CPED1: variants seen among roughly 807,000 people sequenced by gnomAD.
CPED1 encodes cadherin-like and PC-esterase domain-containing protein 1.
A neutral mutation model predicts 128.2 loss-of-function variants in CPED1; 114 were observed. The observed-to-expected ratio is 0.89, with a 90% CI of 0.76 to 1.04. The LOEUF (loss-of-function observed/expected upper bound fraction) is 1.04, where lower values mean the gene tolerates loss of function less well. CPED1 is among the 50% of genes least tolerant of loss of function. CPED1 has a pLI of 0.00. For missense variants in CPED1, 1,211 were observed against 1,207.1 expected, an observed-to-expected ratio of 1.00 and a Z score of -0.05; for synonymous variants, 462 against 426.7, an observed-to-expected ratio of 1.08 and a Z score of -1.02.
chr7:121,224,354 G>A (rs913061067), intron 16 of CPED1, among the ~76,000 whole-genome samples: 1 of 151,948 alleles, frequency 6.6e-6, no homozygotes, highest in African/African-American at 2.4e-5. Flanking sequence ...TCTTTTACAT[G>A]TACTGAGAAG....
intron 22 of CPED1, among the ~76,000 whole-genome samples, chr7:121,273,059 AAACTGAGATG>A (rs201921935): frequency 0.018 from 2,724 of 152,188 alleles, 69 homozygotes; most frequent in African/African-American, 0.06. Context: ...GATTCAGCTG[AAACTGAGATG>A]AATAGTGCCT....
chr7:121,085,325 C>G (rs539280331), intron 5 of CPED1, among the ~76,000 whole-genome samples: 2 of 152,280 alleles, frequency 1.3e-5, no homozygotes, highest in South Asian at 4.2e-4. Flanking sequence ...TAGTCATTGT[C>G]CTGCCCAGGG....
At chr7:121,081,467 G>A (rs1794292570) in intron 5 of CPED1, among the ~76,000 whole-genome samples, 1 of 152,120 alleles carries the variant, frequency 6.6e-6, no homozygotes, top group Admixed American at 6.6e-5. Flanking sequence ...GTGATTCATT[G>A]CATCAATAAC....
chr7:121,096,196 GA>G (rs1794694600), intron 5 of CPED1, among the ~76,000 whole-genome samples: 1 of 151,974 alleles, frequency 6.6e-6, no homozygotes, highest in Admixed American at 6.6e-5. Context: ...CATTAAAAGG[GA>G]AAACTTACAA....
Position 121,217,988 on chromosome 7 carries a change from A to ATT in CPED1, c.2056-18713_2056-18712dup, listed in dbSNP as rs35530961. On this transcript the variant is annotated intron_variant, in intron 16 of 22. Coordinates refer to ENST00000310396, the MANE Select transcript of CPED1 (RefSeq NM_024913.5). ...GCAAAATTAATTGTGGTTTTTGCCA[A>ATT]TTTTTTTTTTTTTTGAGACAGAGTC... 2.2e-3 allele frequency among the ~76,000 whole-genome samples: 311 copies of ATT among 144,014 alleles called. 1 individual carries two copies. Among genetic ancestry groups the ATT allele is most frequent in the Middle Eastern group, 0.011 (3 of 280 alleles). The allele number at this position is 144,014 out of a possible 152,430, so 94.5% of individuals were successfully genotyped here.
intron 5 of CPED1, among the ~76,000 whole-genome samples, chr7:121,066,310 G>T (rs973578892): frequency 2.6e-5 from 4 of 151,426 alleles, no homozygotes; most frequent in Non-Finnish European, 2.9e-5. Flanking sequence ...GACTTCAGGG[G>T]TTTTTTGTTT....
intron 16 of CPED1, among the ~76,000 whole-genome samples, chr7:121,228,491 T>G (rs1424024380): frequency 1.3e-5 from 2 of 150,464 alleles, no homozygotes; most frequent in African/African-American, 4.9e-5. Flanking sequence ...AAAAAATAGA[T>G]GTTGGCAAGG....
chr7:121,201,451 AGAGAAAGAGG>A (rs1330741550), intron 16 of CPED1, among the ~76,000 whole-genome samples: 1 of 107,756 alleles, frequency 9.3e-6, no homozygotes, highest in Non-Finnish European at 2.0e-5. Context: ...AAAGAGAAAG[AGAGAAAGAGG>A]GAGAGAGAGG....
chr7:121,148,189 A>G (rs1796069012), intron 16 of CPED1, among the ~76,000 whole-genome samples: 1 of 152,202 alleles, frequency 6.6e-6, no homozygotes, highest in Non-Finnish European at 1.5e-5. Flanking sequence ...ATTTTTCAAC[A>G]ATACAATATG....
chr7:121,139,219 C>A (rs539798892), intron 14 of CPED1, among the ~76,000 whole-genome samples: 1 of 151,742 alleles, frequency 6.6e-6, no homozygotes, highest in East Asian at 1.9e-4. Flanking sequence ...GAGAGTTTAC[C>A]CAATTCAGTG....
At chr7:121,076,019 CTGAGGG>C (rs1162823169) in intron 5 of CPED1, among the ~76,000 whole-genome samples, 1 of 152,160 alleles carries the variant, frequency 6.6e-6, no homozygotes, top group Non-Finnish European at 1.5e-5. Context: ...CTGAGACGCC[CTGAGGG>C]TGGGACATTA....
At position 121,015,645 on chromosome 7, in the gene CPED1, T is replaced by A. The variant is rs768532785; in HGVS notation, c.250-20T>A. 5 of 1,588,496 alleles carry A rather than the reference T, an allele frequency of 3.1e-6. No homozygotes were observed. The highest frequency in any genetic ancestry group is 4.3e-6 in the Non-Finnish European group (5 of 1,171,380). Reference sequence around the variant, plus strand: ...ATGTACTACTTTTTTATATTGAATTTTTATGCCTTCTTTTCTTAGGTCAAA... The same window carrying A: ...ATGTACTACTTTTTTATATTGAATTATTATGCCTTCTTTTCTTAGGTCAAA... On this transcript the variant is annotated intron_variant, in intron 2 of 22. Coordinates refer to ENST00000310396, the MANE Select transcript of CPED1 (RefSeq NM_024913.5).
At chr7:121,169,735 G>A (rs1584565503) in intron 16 of CPED1, among the ~76,000 whole-genome samples, 2 of 152,170 alleles carry the variant, frequency 1.3e-5, no homozygotes, top group African/African-American at 2.4e-5. Flanking sequence ...AGAAAAAGTG[G>A]CAACTAAAGT....
intron 7 of CPED1, among the ~76,000 whole-genome samples, chr7:121,124,112 G>C (rs1795446776): frequency 6.6e-6 from 1 of 152,126 alleles, no homozygotes; most frequent in South Asian, 2.1e-4. Flanking sequence ...AATAAATGGA[G>C]TAGGCATTTC....
chr7:121,115,675 G>A (rs1330660837), intron 7 of CPED1, among the ~76,000 whole-genome samples: 3 of 152,022 alleles, frequency 2.0e-5, no homozygotes, highest in Admixed American at 2.0e-4. Flanking sequence ...ATATTACTTA[G>A]TACAGATATT....
At chr7:121,143,249 A>G (rs576013808) in intron 16 of CPED1, among the ~76,000 whole-genome samples, 69 of 152,176 alleles carry the variant, frequency 4.5e-4, no homozygotes, top group Non-Finnish European at 9.3e-4. Context: ...ATGGTCAAAT[A>G]AACCCATTGG....
intron 16 of CPED1, among the ~76,000 whole-genome samples, chr7:121,177,660 G>A (rs1003707923): frequency 6.6e-6 from 1 of 151,998 alleles, no homozygotes; most frequent in South Asian, 2.1e-4. Flanking sequence ...TCCTTCCAAA[G>A]AGCAGTGAGG....
chr7:121,144,425 G>A (rs1795975857), intron 16 of CPED1, among the ~76,000 whole-genome samples: 1 of 151,980 alleles, frequency 6.6e-6, no homozygotes, highest in African/African-American at 2.4e-5. Flanking sequence ...AAATAAGTCA[G>A]GAACAAAAAG....
At chr7:121,164,551 G>T (rs1456132478) in intron 16 of CPED1, among the ~76,000 whole-genome samples, 2 of 152,144 alleles carry the variant, frequency 1.3e-5, no homozygotes, top group Non-Finnish European at 2.9e-5. Flanking sequence ...TTAGGATGGG[G>T]CTCAAGAATT....
Sources: gnomAD v4.1 joint callset for allele counts (sites outside exome capture counted in the v4.1 genomes callset) on GRCh38, gnomAD v4.1.1 for gene constraint, MANE v1.5 for transcripts, NCBI Gene and HGNC (gene_info 2026-07-23, HGNC 2026-07-21) for gene names.